The following RSPO3 variants were observed in gnomAD, a reference collection of about 807,000 sequenced individuals.
RSPO3 encodes the protein R-spondin 3, also known as R-spondin-3.
In RSPO3, 17 loss-of-function variants were observed where a neutral mutation model predicts 36.5. That is an observed-to-expected ratio of 0.47 (90% CI 0.32 to 0.70). The LOEUF (loss-of-function observed/expected upper bound fraction) is 0.70, where lower values mean the gene tolerates loss of function less well. Among genes scored for constraint, RSPO3 ranks in the 30% least tolerant of loss-of-function variants. RSPO3 has a pLI of 0.04. For synonymous variants in RSPO3, 108 were observed against 107.0 expected, an observed-to-expected ratio of 1.01 and a Z score of -0.06; for missense variants, 294 against 322.5, an observed-to-expected ratio of 0.91 and a Z score of 0.68.
At chr6:127,131,616 G>A (rs372230546) in intron 1 of RSPO3, among the ~76,000 whole-genome samples, 1 of 152,014 alleles carries the variant, frequency 6.6e-6, no homozygotes, top group Admixed American at 6.6e-5. Flanking sequence ...CTACTAAGAT[G>A]AGTTGAACAG....
chr6:127,148,097 C>A (rs1421127835), intron 1 of RSPO3, among the ~76,000 whole-genome samples: 1 of 152,078 alleles, frequency 6.6e-6, no homozygotes, highest in Non-Finnish European at 1.5e-5. Flanking sequence ...CTCTAATACA[C>A]CATAGTTCAA....
chr6:127,143,751 G>A (rs915314034), intron 1 of RSPO3, among the ~76,000 whole-genome samples: 1 of 152,152 alleles, frequency 6.6e-6, no homozygotes, highest in African/African-American at 2.4e-5. Context: ...TTGTAACTGA[G>A]CTTTAGAAGT....
chr6:127,197,482 C>T lies in RSPO3; in HGVS notation c.*1475C>T, dbSNP rs1775537595. ...CCAGTGTTTCACAGAGGACACAGCC[C>T]ACCCCTTGCAGGAGGAGGTATCTCT... On this transcript the variant is annotated 3_prime_UTR_variant, in exon 5 of 5. Transcript: ENST00000356698. 1 of 1,550,514 alleles carries T rather than the reference C, an allele frequency of 6.4e-7. No homozygotes were observed. Among genetic ancestry groups the T allele is most frequent in the Non-Finnish European group, 8.7e-7 (1 of 1,146,992 alleles).
At chr6:127,142,379 C>A (rs549818473) in intron 1 of RSPO3, among the ~76,000 whole-genome samples, 1 of 152,178 alleles carries the variant, frequency 6.6e-6, no homozygotes, top group African/African-American at 2.4e-5. Flanking sequence ...GAGAGACAGC[C>A]AAATAATTCA....
chr6:127,120,064 G>C (rs1338172828), intron 1 of RSPO3: 1 of 152,354 alleles, frequency 6.6e-6, no homozygotes, highest in Non-Finnish European at 1.5e-5. Context: ...CGTACAGAGA[G>C]TGGGGTCTCC....
chr6:127,119,326 G>A, intron 1 of RSPO3, 37 bp downstream of exon 1: 1 of 1,489,482 alleles, frequency 6.7e-7, no homozygotes, highest in Non-Finnish European at 9.3e-7. Context: ...GCTCCCTCCC[G>A]CCGCGTTCAC....
At chr6:127,149,472 C>A (rs1332189039) in intron 2 of RSPO3, among the ~76,000 whole-genome samples, 1 of 152,086 alleles carries the variant, frequency 6.6e-6, no homozygotes, top group East Asian at 1.9e-4. Flanking sequence ...GTGTTCTACA[C>A]TGGCTGTTCT....
chr6:127,133,051 T>C (rs895882499), intron 1 of RSPO3, among the ~76,000 whole-genome samples: 1 of 152,164 alleles, frequency 6.6e-6, no homozygotes, highest in Non-Finnish European at 1.5e-5. Flanking sequence ...TCTTAATATC[T>C]GGAGATTACT....
intron 1 of RSPO3, among the ~76,000 whole-genome samples, chr6:127,124,131 C>T (rs974357894): frequency 2.0e-5 from 3 of 151,998 alleles, no homozygotes; most frequent in Non-Finnish European, 4.4e-5. Flanking sequence ...GACCAAAATA[C>T]ACCTCTGCAA....
At chr6:127,145,377 C>T (rs1774363074) in intron 1 of RSPO3, among the ~76,000 whole-genome samples, 6 of 152,120 alleles carry the variant, frequency 3.9e-5, no homozygotes, top group Admixed American at 3.9e-4. Flanking sequence ...GCATGCCTGC[C>T]ACACTGCCAG....
chr6:127,186,893 T>A (rs879599341), intron 4 of RSPO3, among the ~76,000 whole-genome samples: 3 of 152,152 alleles, frequency 2.0e-5, no homozygotes, highest in Admixed American at 2.0e-4. Flanking sequence ...ATAGGAAGAC[T>A]TCTAGGTAAT....
chr6:127,172,613 A>AT (rs1330996357), intron 4 of RSPO3, among the ~76,000 whole-genome samples: 1 of 151,822 alleles, frequency 6.6e-6, no homozygotes, highest in Non-Finnish European at 1.5e-5. Flanking sequence ...CTTGGGCTAT[A>AT]TGTCCTTATT....
At chr6:127,138,227 T>C (rs546756794) in intron 1 of RSPO3, among the ~76,000 whole-genome samples, 1 of 152,248 alleles carries the variant, frequency 6.6e-6, no homozygotes, top group Admixed American at 6.5e-5. Flanking sequence ...TATAGACCTT[T>C]GGTTTCTCGG....
intron 2 of RSPO3, among the ~76,000 whole-genome samples, chr6:127,149,659 T>G (rs1453910466): frequency 2.0e-5 from 3 of 151,990 alleles, no homozygotes; most frequent in Non-Finnish European, 4.4e-5. Context: ...TTTGCTGTTG[T>G]TTTTTTGTTT....
intron 1 of RSPO3, among the ~76,000 whole-genome samples, chr6:127,120,997 G>A (rs1773833663): frequency 6.6e-6 from 1 of 152,200 alleles, no homozygotes; most frequent in Non-Finnish European, 1.5e-5. Context: ...TGAGTCTCAG[G>A]GTCAGTGGGC....
intron 1 of RSPO3, among the ~76,000 whole-genome samples, chr6:127,145,125 A>C (rs1306020645): frequency 6.6e-6 from 1 of 152,148 alleles, no homozygotes. Context: ...CTCCAACTGC[A>C]GGCTTTTACT....
At chr6:127,167,755 C>G (rs1488984016) in intron 4 of RSPO3, among the ~76,000 whole-genome samples, 1 of 151,920 alleles carries the variant, frequency 6.6e-6, no homozygotes, top group Non-Finnish European at 1.5e-5. Flanking sequence ...TGCTATCCCT[C>G]CCCCATCCCC....
At chr6:127,131,223 GGCATTATGTGA>G (rs1194748434) in intron 1 of RSPO3, among the ~76,000 whole-genome samples, 3 of 151,952 alleles carry the variant, frequency 2.0e-5, no homozygotes, top group Non-Finnish European at 4.4e-5. Flanking sequence ...TAAACCTGTG[GGCATTATGTGA>G]CCATACCCCA....
At chr6:127,162,238 T>A (rs752602254) in intron 4 of RSPO3, among the ~76,000 whole-genome samples, 1 of 152,158 alleles carries the variant, frequency 6.6e-6, no homozygotes, top group Non-Finnish European at 1.5e-5. Context: ...AAACAGATTT[T>A]ATCTCTTGGC....
Sources: allele counts gnomAD v4.1 joint callset (sites outside exome capture counted in the v4.1 genomes callset), GRCh38; gene constraint gnomAD v4.1.1; transcripts MANE v1.5; gene names NCBI Gene and HGNC (gene_info 2026-07-23, HGNC 2026-07-21).